Variants in BMAL1 observed in about 807,000 individuals in gnomAD.
BMAL1 encodes the protein basic helix-loop-helix ARNT-like protein 1.
At chr11:13,317,150 A>G in the BMAL1 span, among the ~76,000 whole-genome samples, 2 of 152,232 alleles carry the variant, frequency 1.3e-5, no homozygotes, top group African/African-American at 2.4e-5. Flanking sequence ...TCAAAGTATT[A>G]TTGTTAATAA....
chr11:13,385,747 A>G, the BMAL1 span: 2 of 1,613,766 alleles, frequency 1.2e-6, no homozygotes, highest in Non-Finnish European at 1.7e-6. Context: ...GGCCAGGCTC[A>G]GGAGAACCCA....
chr11:13,335,733 A>T, the BMAL1 span, among the ~76,000 whole-genome samples: 2 of 152,176 alleles, frequency 1.3e-5, no homozygotes, highest in Non-Finnish European at 2.9e-5. Flanking sequence ...TATAAGATTT[A>T]CCTATTTGTT....
chr11:13,284,138 A>G, the BMAL1 span, among the ~76,000 whole-genome samples: 4,439 of 54,126 alleles, frequency 0.082, 395 homozygotes, highest in African/African-American at 0.12. Flanking sequence ...GTATATATAT[A>G]TATATGTGTA....
At chr11:13,375,903 T>C in the BMAL1 span, 16 of 777,676 alleles carry the variant, frequency 2.1e-5, no homozygotes, top group Non-Finnish European at 2.8e-5. Context: ...GCCTCAGGAC[T>C]GGCAGAAGCT....
At chr11:13,299,684 C>T in the BMAL1 span, among the ~76,000 whole-genome samples, 2 of 152,114 alleles carry the variant, frequency 1.3e-5, no homozygotes, top group Non-Finnish European at 2.9e-5. Flanking sequence ...GGGACCTGCA[C>T]GTGGCACGCA....
chr11:13,312,985 G>C, the BMAL1 span, among the ~76,000 whole-genome samples: 1 of 152,306 alleles, frequency 6.6e-6, no homozygotes, highest in East Asian at 1.9e-4. Context: ...GGGGTGGAGA[G>C]GGAAGGGCCT....
the BMAL1 span, among the ~76,000 whole-genome samples, chr11:13,327,064 C>G: frequency 4.0e-5 from 6 of 151,598 alleles, no homozygotes; most frequent in African/African-American, 1.5e-4. Flanking sequence ...TCGTGATCCA[C>G]CCCCCTCAGC....
At chr11:13,298,462 C>T in the BMAL1 span, among the ~76,000 whole-genome samples, 2 of 152,170 alleles carry the variant, frequency 1.3e-5, no homozygotes, top group Admixed American at 6.5e-5. Context: ...CTTTATTTTT[C>T]CTCCTAGCAC....
chr11:13,299,423 G>A, the BMAL1 span, among the ~76,000 whole-genome samples: 1 of 152,166 alleles, frequency 6.6e-6, no homozygotes, highest in Non-Finnish European at 1.5e-5. Context: ...ACAGCTTCTG[G>A]GGGTGGCAGA....
At chr11:13,358,265 C>T in the BMAL1 span, among the ~76,000 whole-genome samples, 2 of 152,164 alleles carry the variant, frequency 1.3e-5, no homozygotes, top group Non-Finnish European at 2.9e-5. Context: ...GCAGTGAGAC[C>T]ATTTTCTTGG....
the BMAL1 span, among the ~76,000 whole-genome samples, chr11:13,361,608 C>T: frequency 9.2e-5 from 14 of 152,238 alleles, no homozygotes; most frequent in African/African-American, 3.1e-4. Context: ...CTATTTATCT[C>T]CTCATGACGT....
the BMAL1 span, among the ~76,000 whole-genome samples, chr11:13,322,778 C>CTTTTTTTTT: frequency 4.0e-5 from 2 of 50,348 alleles, no homozygotes; most frequent in Non-Finnish European, 3.6e-5. Flanking sequence ...GTGAGCAAGT[C>CTTTTTTTTT]TTTTTTTTTT....
chr11:13,379,478 CATG>C, the BMAL1 span: 1 of 152,212 alleles, frequency 6.6e-6, no homozygotes, highest in East Asian at 1.9e-4. Flanking sequence ...AGGAAGGAGA[CATG>C]AGGGTAGTGT....
the BMAL1 span, among the ~76,000 whole-genome samples, chr11:13,335,853 T>G: frequency 6.6e-6 from 1 of 152,262 alleles, no homozygotes; most frequent in African/African-American, 2.4e-5. Flanking sequence ...CTATATTTCC[T>G]TTCTTCTTTG....
chr11:13,305,452 A>G, the BMAL1 span, among the ~76,000 whole-genome samples: 4 of 152,088 alleles, frequency 2.6e-5, no homozygotes, highest in Admixed American at 6.5e-5. Context: ...TTTATGTTGT[A>G]TCTTGCATGT....
chr11:13,369,172 C>CT, the BMAL1 span, among the ~76,000 whole-genome samples: 1 of 152,222 alleles, frequency 6.6e-6, no homozygotes, highest in African/African-American at 2.4e-5. Flanking sequence ...CCCACCTTGC[C>CT]TTCCCAATAT....
chr11:13,345,495 T>G, the BMAL1 span, among the ~76,000 whole-genome samples: 1 of 152,236 alleles, frequency 6.6e-6, no homozygotes, highest in Non-Finnish European at 1.5e-5. Flanking sequence ...TTCTTTTTCT[T>G]ATAAATTCTC....
the BMAL1 span, among the ~76,000 whole-genome samples, chr11:13,298,579 G>C: frequency 2.0e-5 from 3 of 152,146 alleles, no homozygotes; most frequent in Non-Finnish European, 4.4e-5. Context: ...AGGCACCAGT[G>C]TTAATTTTGT....
At chr11:13,372,158 T>C in the BMAL1 span, 3 of 1,613,348 alleles carry the variant, frequency 1.9e-6, no homozygotes, top group Admixed American at 1.7e-5. Flanking sequence ...AACTTTGCTT[T>C]CTAGCAGATC....
Sources: allele counts gnomAD v4.1 joint callset (sites outside exome capture counted in the v4.1 genomes callset), GRCh38; gene constraint gnomAD v4.1.1; transcripts MANE v1.5; gene names NCBI Gene and HGNC (gene_info 2026-07-23, HGNC 2026-07-21).